Variants in POM121C observed in about 807,000 individuals in gnomAD.
POM121C encodes POM121 transmembrane nucleoporin C, also known as nuclear envelope pore membrane protein POM 121C.
POM121C carries 20 observed loss-of-function variants against 66.4 expected under a neutral mutation model. The observed-to-expected ratio is 0.30, with a 90% confidence interval of 0.21 to 0.44. The LOEUF is 0.44. Ranked by LOEUF, POM121C falls within the 20% of genes least tolerant of loss-of-function variation. POM121C has a pLI of 1.00. For missense variants in POM121C, 580 were observed against 1,225.7 expected (o/e 0.47, Z 7.87); for synonymous variants, 286 against 528.0 (o/e 0.54, Z 6.28).
At chr7:75,420,351 C>G (rs1789648060) in intron 13 of POM121C, 1 of 152,484 alleles carries the variant, frequency 6.6e-6, no homozygotes, top group African/African-American at 2.4e-5. Flanking sequence ...ACTCCTGCAC[C>G]CCCTGAGCTG....
intron 3 of POM121C, among the ~76,000 whole-genome samples, chr7:75,466,333 G>C (rs782498680): frequency 2.6e-5 from 4 of 151,454 alleles, no homozygotes; most frequent in Non-Finnish European, 5.9e-5. Context: ...AGGCTGGGAG[G>C]GGTGGCTCAC....
chr7:75,459,671 T>C (rs1791383599), intron 3 of POM121C, among the ~76,000 whole-genome samples: 1 of 121,358 alleles, frequency 8.2e-6, no homozygotes, highest in African/African-American at 3.0e-5. Context: ...AGAAAAAGTA[T>C]AAAAATTAAA....
At chr7:75,426,655 C>G (rs1789948785) in intron 7 of POM121C, among the ~76,000 whole-genome samples, 1 of 63,886 alleles carries the variant, frequency 1.6e-5, no homozygotes, top group African/African-American at 6.2e-5. Context: ...GGTAACATAG[C>G]GAGACCCCCG....
intron 3 of POM121C, among the ~76,000 whole-genome samples, chr7:75,473,758 G>T (rs1439655400): frequency 1.3e-5 from 2 of 150,870 alleles, no homozygotes; most frequent in Admixed American, 6.6e-5. Flanking sequence ...GCGGGATCTC[G>T]GCTCACTGCA....
rs782758433 is a variant in POM121C, at chr7:75,424,215, C to T, written c.882G>A (p.Ser294=). 2.4e-5 allele frequency: 39 copies of T among 1,611,746 alleles called. No homozygotes were observed. Among genetic ancestry groups the T allele is most frequent in the African/African-American group, 1.3e-4 (10 of 74,792 alleles). Residue 294 remains serine (S), a synonymous_variant, in exon 12 of 15, where the codon TCG becomes TCA. Coordinates refer to ENST00000615331, the MANE Select transcript of POM121C (RefSeq NM_001099415.3). ...QALEDKSDAA[S]NSVTETPPTT... is the part of the protein sequence containing the mutation. ...TAGGTGGGGTCTCAGTGACAGAGTT[C>T]GAGGCAGCATCTAAGAAAGAAAGAA...
intron 5 of POM121C, 113 bp from the exon 6 acceptor site, chr7:75,439,337 T>C (rs1170844610): frequency 3.5e-6 from 5 of 1,420,718 alleles, no homozygotes; most frequent in Non-Finnish European, 4.8e-6. Context: ...ACAGATTCCA[T>C]GCTAGACCAG....
chr7:75,432,920 C>T (rs1790240525), intron 7 of POM121C, among the ~76,000 whole-genome samples: 8 of 152,042 alleles, frequency 5.3e-5, no homozygotes. Context: ...AATATTTGCA[C>T]GTTACCGATT....
chr7:75,454,620 T>C (rs6954001), intron 3 of POM121C, among the ~76,000 whole-genome samples: 10,984 of 152,072 alleles, frequency 0.072, 963 homozygotes, highest in African/African-American at 0.25. Context: ...CTGCATGGTC[T>C]AGATCCACTC....
intron 3 of POM121C, among the ~76,000 whole-genome samples, chr7:75,453,582 CAAA>C (rs1174277234): frequency 1.4e-4 from 10 of 73,706 alleles, no homozygotes; most frequent in Non-Finnish European, 1.7e-4. Context: ...AACTCGGACT[CAAA>C]AAAAAAAAAA....
At chr7:75,468,628 ATT>A (rs1791762060) in intron 3 of POM121C, among the ~76,000 whole-genome samples, 1 of 152,060 alleles carries the variant, frequency 6.6e-6, no homozygotes, top group African/African-American at 2.4e-5. Context: ...TGACTCCAGC[ATT>A]TTTATCTTCA....
At chr7:75,438,723 T>C (rs1452237991) in intron 6 of POM121C, among the ~76,000 whole-genome samples, 5 of 152,354 alleles carry the variant, frequency 3.3e-5, no homozygotes, top group African/African-American at 1.2e-4. Flanking sequence ...CTGACTCAGA[T>C]GAGGTATCTA....
chr7:75,421,362 C>T (rs1789698581), intron 13 of POM121C, 147 bp downstream of exon 13: 6 of 1,485,284 alleles, frequency 4.0e-6, no homozygotes, highest in Admixed American at 4.8e-5. Flanking sequence ...GTTAGCAAAA[C>T]ATGTATCATG....
At chr7:75,432,690 T>C (rs1790230661) in intron 7 of POM121C, among the ~76,000 whole-genome samples, 1 of 152,184 alleles carries the variant, frequency 6.6e-6, no homozygotes, top group South Asian at 2.1e-4. Flanking sequence ...CGATACAAAA[T>C]GCTATGCAAG....
At chr7:75,425,408 G>A in intron 9 of POM121C, 1 of 1,053,638 alleles carries the variant, frequency 9.5e-7, no homozygotes. Flanking sequence ...TCACCCACAG[G>A]TGACTCAAAC....
At chr7:75,431,454 T>A (rs1297182646) in intron 7 of POM121C, among the ~76,000 whole-genome samples, 1 of 150,008 alleles carries the variant, frequency 6.7e-6, no homozygotes, top group Non-Finnish European at 1.5e-5. Context: ...AAATACAAAA[T>A]TTGCTGGGCG....
At chr7:75,438,489 C>T (rs781393863) in intron 6 of POM121C, among the ~76,000 whole-genome samples, 1 of 152,184 alleles carries the variant, frequency 6.6e-6, no homozygotes, top group Non-Finnish European at 1.5e-5. Context: ...CACCACCACC[C>T]CTCTGGGCTG....
Position 75,440,981 on chromosome 7 carries a change from A to T in POM121C, c.200T>A (p.Phe67Tyr), listed in dbSNP as rs1790622461. The T allele has an allele frequency of 6.2e-7, 1 of 1,613,790 alleles. No individual in the cohort carries two copies. The highest frequency in any genetic ancestry group is 8.5e-7 in the Non-Finnish European group (1 of 1,179,846). ...KRTVEEEDQI[F>Y]LDGQENKRRR... ...TCTTTTATTTTCCTGGCCATCAAGG[A>T]ATATTTGGTCTTCTTCCTCCACTGT... is the stretch of plus-strand genomic sequence containing the variant. The change falls in exon 5 of 15, where the codon TTC (phenylalanine) becomes TAC (tyrosine). Residue 67 changes from phenylalanine to tyrosine, a missense_variant. By Grantham distance (22) the Phe-to-Tyr change is conservative (BLOSUM62 3). Transcript: ENST00000615331.
At position 75,437,565 on chromosome 7, in the gene POM121C, T is replaced by C. The variant is rs782135442; in HGVS notation, c.430A>G (p.Ser144Gly). ...TAGGAACTGGTAATGGCATTGCGGCTGGAGCTAGGGATGCCACTTGTGTAA... is the reference window on the plus strand; with the variant it reads ...TAGGAACTGGTAATGGCATTGCGGCCGGAGCTAGGGATGCCACTTGTGTAA... The part of the protein sequence containing the change: ...GAYTSGIPSS[S>G]RNAITSSYSS... The change falls in exon 7 of 15, where the codon AGC becomes GGC. Residue 144 changes from serine to glycine, a missense_variant. By Grantham distance (56) the Ser-to-Gly change is moderately conservative (BLOSUM62 0). Coordinates refer to ENST00000615331, the MANE Select transcript of POM121C (RefSeq NM_001099415.3). 4 of 1,613,992 alleles carry C rather than the reference T, an allele frequency of 2.5e-6. No homozygotes were observed. In the South Asian group the frequency reaches 4.4e-5, roughly 18 times the overall value.
intron 3 of POM121C, among the ~76,000 whole-genome samples, chr7:75,470,597 G>A (rs587710557): frequency 1.7e-3 from 255 of 151,740 alleles, no homozygotes; most frequent in African/African-American, 5.6e-3. Flanking sequence ...AAGTAGCTGG[G>A]ACTACAGGTG....
Sources: allele counts gnomAD v4.1 joint callset (sites outside exome capture counted in the v4.1 genomes callset), GRCh38; gene constraint gnomAD v4.1.1; transcripts MANE v1.5; gene names NCBI Gene and HGNC (gene_info 2026-07-23, HGNC 2026-07-21).